Variants in EIPR1 observed in about 807,000 individuals in gnomAD.
EIPR1 encodes the protein EARP complex and GARP complex interacting protein 1.
A neutral mutation model predicts 48.1 loss-of-function variants in EIPR1; 25 were observed. The observed-to-expected ratio is 0.52, with a 90% CI of 0.38 to 0.73. The LOEUF is 0.73. EIPR1 is among the 30% of genes least tolerant of loss of function. The pLI is 0.00. For missense variants in EIPR1, 415 were observed against 506.2 expected (o/e 0.82, Z 1.73); for synonymous variants, 204 against 201.9 (o/e 1.01, Z -0.09).
intron 3 of EIPR1, among the ~76,000 whole-genome samples, chr2:3,335,816 C>A (rs893068916): frequency 6.6e-6 from 1 of 152,136 alleles, no homozygotes; most frequent in Non-Finnish European, 1.5e-5. Flanking sequence ...CCGTCACCCC[C>A]CACTGTGATT....
Position 3,196,866 on chromosome 2 carries a change from G to T in EIPR1, c.653+15C>A, listed in dbSNP as rs1024109404. The T allele has an allele frequency of 3.7e-6, 6 of 1,612,396 alleles. No individual in the cohort carries two copies. The highest frequency in any genetic ancestry group is 3.3e-5 in the South Asian group (3 of 90,800). On this transcript the variant is annotated intron_variant, in intron 6 of 8. Transcript: ENST00000382125. ...AGGAAAGGAAGTGGGGCCTGCGCCGGGTGGGCTCACTGACCTCATGCTCCG... is the reference window on the plus strand; with the variant it reads ...AGGAAAGGAAGTGGGGCCTGCGCCGTGTGGGCTCACTGACCTCATGCTCCG...
chr2:3,197,329 C>T (rs562090739), intron 5 of EIPR1, among the ~76,000 whole-genome samples: 1 of 152,340 alleles, frequency 6.6e-6, no homozygotes, highest in South Asian at 2.1e-4. Context: ...CAAAACAACT[C>T]AAACATCTGG....
intron 4 of EIPR1, among the ~76,000 whole-genome samples, chr2:3,222,742 A>G (rs1159302958): frequency 6.6e-6 from 1 of 152,180 alleles, no homozygotes; most frequent in Admixed American, 6.5e-5. Context: ...GCCAGACTGA[A>G]AACCTGTCAC....
At chr2:3,220,019 C>T (rs1301687342) in intron 4 of EIPR1, among the ~76,000 whole-genome samples, 16 of 152,292 alleles carry the variant, frequency 1.1e-4, no homozygotes, top group South Asian at 4.1e-4. Context: ...CTCATAGGAG[C>T]GGGAACCCTG....
chr2:3,369,498 A>G (rs1255071569), intron 1 of EIPR1, among the ~76,000 whole-genome samples: 1 of 152,212 alleles, frequency 6.6e-6, no homozygotes, highest in African/African-American at 2.4e-5. Context: ...AAGGGGTGAC[A>G]GACAACACCT....
At chr2:3,264,364 C>T (rs112531434) in intron 3 of EIPR1, among the ~76,000 whole-genome samples, 117 of 152,314 alleles carry the variant, frequency 7.7e-4, no homozygotes, top group African/African-American at 2.8e-3. Flanking sequence ...TTTCTTTATC[C>T]GTTCATCCGG....
intron 4 of EIPR1, among the ~76,000 whole-genome samples, chr2:3,246,825 A>G (rs183993418): frequency 0.2 from 1,812 of 9,278 alleles, 35 homozygotes; most frequent in African/African-American, 0.24. Flanking sequence ...GGGAGGGAGG[A>G]AGGGAGGGAA....
At chr2:3,231,603 G>A (rs1246207117) in intron 4 of EIPR1, among the ~76,000 whole-genome samples, 1 of 152,138 alleles carries the variant, frequency 6.6e-6, no homozygotes, top group Non-Finnish European at 1.5e-5. Flanking sequence ...TGCTTGTATG[G>A]TTTTTGTCTA....
At chr2:3,215,398 G>A (rs551193882) in intron 4 of EIPR1, among the ~76,000 whole-genome samples, 173 of 152,318 alleles carry the variant, frequency 1.1e-3, no homozygotes, top group Non-Finnish European at 2.1e-3. Flanking sequence ...CAGGCTCAGG[G>A]GTGATGTTAA....
intron 2 of EIPR1, among the ~76,000 whole-genome samples, chr2:3,341,113 A>C (rs1247980836): frequency 1.0e-3 from 148 of 148,532 alleles, no homozygotes; most frequent in Admixed American, 4.3e-3. Flanking sequence ...AAAAAAAAAA[A>C]AAAAAAACAA....
At chr2:3,267,995 G>A (rs555247381) in intron 3 of EIPR1, among the ~76,000 whole-genome samples, 12 of 152,340 alleles carry the variant, frequency 7.9e-5, no homozygotes, top group Non-Finnish European at 1.5e-4. Context: ...GTGAGCCCCC[G>A]TTCTCAGCCG....
rs1668181144 is a variant in EIPR1 at position 3,286,221 on chromosome 2, T to C, written c.260-28766A>G. On this transcript the variant is annotated intron_variant, in intron 3 of 8. Coordinates refer to ENST00000382125, the MANE Select transcript of EIPR1 (RefSeq NM_003310.5). The surrounding 1 kb of genome is among the most constrained non-coding windows in gnomAD (Gnocchi z 4.2). ...CCATGAGCAGCACAAAAGGTTGTTT[T>C]TATGCTAATAAAAAAAAATAGGTTG... Among the ~76,000 whole-genome samples, 2 of 152,326 alleles carry C rather than the reference T, an allele frequency of 1.3e-5. No homozygotes were observed. The highest frequency in any genetic ancestry group is 4.1e-4 in the South Asian group (2 of 4,828).
intron 5 of EIPR1, among the ~76,000 whole-genome samples, chr2:3,205,070 A>C (rs973895972): frequency 1.3e-5 from 2 of 152,198 alleles, no homozygotes; most frequent in Non-Finnish European, 2.9e-5. Flanking sequence ...AGGGTGAAGA[A>C]ACAGCAAGGC....
At chr2:3,203,408 G>T (rs1476886451) in intron 5 of EIPR1, among the ~76,000 whole-genome samples, 1 of 152,252 alleles carries the variant, frequency 6.6e-6, no homozygotes, top group Non-Finnish European at 1.5e-5. Context: ...CCAAGGCAGA[G>T]AGATAGGTAA....
chr2:3,195,954 G>A (rs907390390), intron 6 of EIPR1, among the ~76,000 whole-genome samples: 5 of 152,166 alleles, frequency 3.3e-5, no homozygotes, highest in African/African-American at 1.2e-4. Flanking sequence ...TGAGTTTCTT[G>A]TTTTCAGATA....
intron 4 of EIPR1, among the ~76,000 whole-genome samples, chr2:3,256,611 A>T (rs1667164479): frequency 6.6e-6 from 1 of 152,236 alleles, no homozygotes; most frequent in Non-Finnish European, 1.5e-5. Context: ...TTAATGCATT[A>T]AGTAAAACAA....
intron 2 of EIPR1, among the ~76,000 whole-genome samples, chr2:3,339,211 C>T (rs1670158438): frequency 6.6e-6 from 1 of 152,170 alleles, no homozygotes; most frequent in Non-Finnish European, 1.5e-5. Context: ...AAATGAGAAC[C>T]AGCAGGTAGG....
At chr2:3,318,912 G>A in intron 3 of EIPR1, 3 of 471,416 alleles carry the variant, frequency 6.4e-6, no homozygotes, top group South Asian at 4.6e-5. Flanking sequence ...AGACAATCGT[G>A]GGACTCTGAG....
chr2:3,246,728 G>T (rs962425233), intron 4 of EIPR1, among the ~76,000 whole-genome samples: 5 of 150,188 alleles, frequency 3.3e-5, no homozygotes, highest in African/African-American at 1.2e-4. Flanking sequence ...CCCTGCCGGG[G>T]TGGTAGCCAT....
Sources: gnomAD v4.1 joint callset for allele counts (sites outside exome capture counted in the v4.1 genomes callset) on GRCh38, gnomAD v4.1.1 for gene constraint, Gnocchi (gnomAD v3.1) non-coding constraint, MANE v1.5 for transcripts, NCBI Gene and HGNC (gene_info 2026-07-23, HGNC 2026-07-21) for gene names.